Variants in CRACD observed in about 807,000 individuals in gnomAD.
The protein encoded by CRACD is capping protein-inhibiting regulator of actin dynamics.
In CRACD, 56 loss-of-function variants were observed where a neutral mutation model predicts 106.8. That is an observed-to-expected ratio of 0.52 (90% CI 0.42 to 0.66). The LOEUF is 0.66. Among genes scored for constraint, CRACD ranks in the 30% least tolerant of loss-of-function variants. The pLI is 0.00. For missense variants in CRACD, 1,730 were observed against 1,623.2 expected, an observed-to-expected ratio of 1.07 and a Z score of -1.13; for synonymous variants, 754 against 670.8, an observed-to-expected ratio of 1.12 and a Z score of -1.92.
At chr4:56,261,902 A>G (rs776095154) in intron 2 of CRACD, among the ~76,000 whole-genome samples, 1 of 152,190 alleles carries the variant, frequency 6.6e-6, no homozygotes, top group Non-Finnish European at 1.5e-5. Context: ...CAGCTCTGCT[A>G]TAAAGCCATA....
At chr4:56,074,833 A>G (rs977233588) in intron 1 of CRACD, among the ~76,000 whole-genome samples, 1 of 152,098 alleles carries the variant, frequency 6.6e-6, no homozygotes, top group African/African-American at 2.4e-5. Context: ...TGTCATGAAT[A>G]GCTCTTATTA....
intron 1 of CRACD, among the ~76,000 whole-genome samples, chr4:56,087,242 A>G (rs981841451): frequency 6.6e-6 from 1 of 151,972 alleles, no homozygotes; most frequent in Non-Finnish European, 1.5e-5. Flanking sequence ...TGGACTCCTG[A>G]CCTCAGACGA....
intron 1 of CRACD, among the ~76,000 whole-genome samples, chr4:56,087,106 G>A (rs1733255284): frequency 6.6e-6 from 1 of 152,018 alleles, no homozygotes; most frequent in Non-Finnish European, 1.5e-5. Flanking sequence ...CCGCCTCCCG[G>A]GTTTAAGCAA....
chr4:56,101,622 G>A (rs563132450), intron 1 of CRACD, among the ~76,000 whole-genome samples: 2 of 152,104 alleles, frequency 1.3e-5, no homozygotes, highest in East Asian at 3.9e-4. Context: ...AATTAGCTGG[G>A]TGTGGTGGTG....
chr4:56,185,499 G>A (rs1737049768), intron 2 of CRACD, among the ~76,000 whole-genome samples: 1 of 152,008 alleles, frequency 6.6e-6, no homozygotes, highest in Non-Finnish European at 1.5e-5. Flanking sequence ...ATGCTTAATT[G>A]TTATTACCAA....
chr4:56,152,296 C>A (rs1037940527), intron 1 of CRACD, among the ~76,000 whole-genome samples: 1 of 151,700 alleles, frequency 6.6e-6, no homozygotes, highest in Non-Finnish European at 1.5e-5. Context: ...GGATTACAGG[C>A]CTGAGCCACC....
Position 56,308,518 on chromosome 4 carries a change from C to T in CRACD, c.285+819C>T, listed in dbSNP as rs139877787. ...AAAAAAAAAACCCATTCTCTAGGCT[C>T]TGCCTATCAAGACCCCTGGAATTTT... On this transcript the variant is annotated intron_variant, in intron 5 of 10. Transcript: ENST00000682029. 3.4e-3 allele frequency among the ~76,000 whole-genome samples: 518 copies of T among 152,012 alleles called. 7 individuals carry two copies. Among genetic ancestry groups the T allele is most frequent in the Non-Finnish European group, 4.8e-3 (324 of 67,980 alleles).
At chr4:56,050,327 T>A (rs1266707958) in intron 1 of CRACD, among the ~76,000 whole-genome samples, 1 of 136,732 alleles carries the variant, frequency 7.3e-6, no homozygotes, top group Non-Finnish European at 1.6e-5. Flanking sequence ...TTGGGGGTGG[T>A]AAGTGGTGGT....
chr4:56,274,578 T>C (rs896093112), intron 3 of CRACD, among the ~76,000 whole-genome samples: 4 of 152,216 alleles, frequency 2.6e-5, no homozygotes, highest in African/African-American at 9.6e-5. Context: ...GAAATTCCAC[T>C]TTGGATCAAA....
chr4:56,202,462 G>T (rs1387280619), intron 2 of CRACD, among the ~76,000 whole-genome samples: 1 of 152,160 alleles, frequency 6.6e-6, no homozygotes, highest in East Asian at 1.9e-4. Context: ...GGCCAGGCTG[G>T]TCTCGAACAC....
At chr4:56,141,730 A>G (rs977817045) in intron 1 of CRACD, among the ~76,000 whole-genome samples, 11 of 114,280 alleles carry the variant, frequency 9.6e-5, no homozygotes, top group Non-Finnish European at 1.5e-4. Context: ...GTCTTACTCT[A>G]TCACCCACGC....
At chr4:56,239,378 G>A (rs1485382000) in intron 2 of CRACD, among the ~76,000 whole-genome samples, 1 of 151,908 alleles carries the variant, frequency 6.6e-6, no homozygotes, top group Non-Finnish European at 1.5e-5. Flanking sequence ...AATTTTAGAG[G>A]TTATTTTTAT....
intron 4 of CRACD, among the ~76,000 whole-genome samples, chr4:56,301,904 A>G (rs1289983094): frequency 6.6e-6 from 1 of 152,188 alleles, no homozygotes; most frequent in Non-Finnish European, 1.5e-5. Flanking sequence ...TGCAGAGTGA[A>G]AACAAATTTT....
At chr4:56,172,276 A>G (rs1736400967) in intron 1 of CRACD, among the ~76,000 whole-genome samples, 1 of 152,122 alleles carries the variant, frequency 6.6e-6, no homozygotes, top group African/African-American at 2.4e-5. Context: ...TGAAAAACTG[A>G]AGCCATCTTG....
Position 56,328,190 on chromosome 4 carries a change from A to G in CRACD, c.*386A>G, listed in dbSNP as rs1434957909. 3 of 414,974 alleles carry G rather than the reference A, an allele frequency of 7.2e-6. No homozygotes were observed. The highest frequency in any genetic ancestry group is 9.4e-6 in the Non-Finnish European group (2 of 212,002). The allele number at this position is 414,974 out of a possible 1,614,324, so 25.7% of individuals were successfully genotyped here. ...TAATGGTTTTTTGATTCTATGCACT[A>G]ATTTTCTTTGTCCAAAACATTTACT... On this transcript the variant is annotated 3_prime_UTR_variant, in exon 11 of 11. Transcript: ENST00000682029.
chr4:56,192,394 CAA>C (rs556415866), intron 2 of CRACD, among the ~76,000 whole-genome samples: 4 of 130,070 alleles, frequency 3.1e-5, no homozygotes, highest in African/African-American at 5.7e-5. Flanking sequence ...GACTCCATCT[CAA>C]AAAAAAAAAA....
At chr4:56,193,994 A>C (rs911606938) in intron 2 of CRACD, among the ~76,000 whole-genome samples, 3 of 152,026 alleles carry the variant, frequency 2.0e-5, no homozygotes, top group African/African-American at 7.3e-5. Context: ...TATAGCAATA[A>C]GAGCACTATA....
chr4:56,324,042 G>C, intron 9 of CRACD, 62 bp from the exon 10 acceptor site: 1 of 1,534,632 alleles, frequency 6.5e-7, no homozygotes, highest in Non-Finnish European at 8.8e-7. Flanking sequence ...AGGCCTGCAG[G>C]GTCAGTCTTT....
intron 2 of CRACD, among the ~76,000 whole-genome samples, chr4:56,228,333 A>C (rs190363861): frequency 1.9e-3 from 285 of 152,314 alleles, no homozygotes; most frequent in African/African-American, 6.2e-3. Flanking sequence ...CAGTACGTTA[A>C]ACTTAACAAC....
Sources: gnomAD v4.1 joint callset for allele counts (sites outside exome capture counted in the v4.1 genomes callset) on GRCh38, gnomAD v4.1.1 for gene constraint, MANE v1.5 for transcripts, NCBI Gene and HGNC (gene_info 2026-07-23, HGNC 2026-07-21) for gene names.